SGK2: variants seen among roughly 807,000 people sequenced by gnomAD.
SGK2 encodes the protein serine/threonine-protein kinase Sgk2.
A neutral mutation model predicts 47.5 loss-of-function variants in SGK2; 36 were observed. The ratio of observed to expected loss-of-function variants is 0.76; its 90% CI spans 0.58 to 1.00. The LOEUF is 1.00. SGK2 is among the 50% of genes least tolerant of loss of function. SGK2 has a pLI of 0.00. For synonymous variants in SGK2, 157 were observed against 181.9 expected, an observed-to-expected ratio of 0.86 and a Z score of 1.10; for missense variants, 404 against 467.4, an observed-to-expected ratio of 0.86 and a Z score of 1.25.
At chr20:43,571,177 A>ATAGGTAGAGGAGGCAT in intron 8 of SGK2, 117 bp downstream of exon 8, 1 of 1,509,932 alleles carries the variant, frequency 6.6e-7, no homozygotes, top group South Asian at 1.2e-5. Flanking sequence ...ATGTATGCAT[A>ATAGGTAGAGGAGGCAT]TAGGTAGAGG....
intron 1 of SGK2, chr20:43,566,028 T>C: frequency 3.2e-6 from 1 of 310,656 alleles, no homozygotes; most frequent in African/African-American, 2.1e-5. Context: ...CAGCCTGTGC[T>C]TCACAAGGCT....
intron 1 of SGK2, chr20:43,565,162 C>T (rs576724378): frequency 6.6e-6 from 1 of 152,400 alleles, no homozygotes; most frequent in East Asian, 1.9e-4. Flanking sequence ...TGTGCTGGGG[C>T]CAGGCCGGCA....
rs762686366 is a variant in SGK2, at chr20:43,567,713, C to A, written c.135C>A (p.Asn45Lys). 6.2e-7 allele frequency: 1 copy of A among 1,614,132 alleles called. No homozygotes were observed. The highest frequency in any genetic ancestry group is 2.2e-5 in the East Asian group (1 of 44,876). The change falls in exon 4 of 13, where the codon AAC becomes AAA. Residue 45 changes from asparagine (N) to lysine (K), a missense_variant. Coordinates refer to ENST00000373100, the MANE Select transcript of SGK2 (RefSeq NM_170693.3). ...FDFLKVIGKG[N>K]YGKVLLAKRK... Reference sequence around the variant, plus strand: ...TCCTCAAAGTCATCGGCAAAGGGAACTACGGGAAGGTGAGTGACTTGGTGA... The same window carrying A: ...TCCTCAAAGTCATCGGCAAAGGGAAATACGGGAAGGTGAGTGACTTGGTGA...
chr20:43,580,857 T>TG (rs1980751211), intron 12 of SGK2, among the ~76,000 whole-genome samples: 1 of 151,332 alleles, frequency 6.6e-6, no homozygotes, highest in South Asian at 2.1e-4. Context: ...CTTTTCTATG[T>TG]GTTTTTTTTT....
intron 1 of SGK2, 62 bp from the exon 2 acceptor site, chr20:43,566,411 G>A (rs769402672): frequency 6.2e-7 from 1 of 1,614,188 alleles, no homozygotes; most frequent in African/African-American, 1.3e-5. Flanking sequence ...TGAAGCCCTG[G>A]ATGGGCGGAG....
chr20:43,579,132 C>A (rs1227062571), intron 11 of SGK2, among the ~76,000 whole-genome samples: 2 of 152,044 alleles, frequency 1.3e-5, no homozygotes, highest in East Asian at 3.9e-4. Flanking sequence ...ATTCTCCTGC[C>A]TCAGCCTCCC....
intron 8 of SGK2, among the ~76,000 whole-genome samples, chr20:43,571,375 A>G (rs992227521): frequency 2.0e-5 from 3 of 152,168 alleles, no homozygotes; most frequent in African/African-American, 7.2e-5. Flanking sequence ...AGGAGGCAGA[A>G]GCTTTATTGG....
In SGK2 at chr20:43,572,004, C is replaced by A. The variant is rs187186907; in HGVS notation, c.511-47C>A. On this transcript the variant is annotated intron_variant, in intron 8 of 12. Transcript: ENST00000373100. This position sits in a 1 kb window ranked among gnomAD's most constrained non-coding sequence, Gnocchi z 4.2. ...GCTTTGGGGGTTAGGCCTGGCCATA[C>A]CCTTGGCTCATACCACCCTCCAGCC... 218 of 1,412,230 alleles carry A rather than the reference C, an allele frequency of 1.5e-4. 1 individual carries two copies. In the East Asian group the frequency reaches 5.1e-3, roughly 33 times the overall value. The allele number at this position is 1,412,230 out of a possible 1,614,324, so 87.5% of individuals were successfully genotyped here.
rs928301515 is a variant in SGK2 at position 43,575,415 on chromosome 20, G to A, written c.693+411G>A. Among the ~76,000 whole-genome samples the A allele has an allele frequency of 1.1e-4, 16 of 146,796 alleles. No homozygotes were observed. The East Asian group carries it at 2.0e-3, about 18-fold the overall frequency. On this transcript the variant is annotated intron_variant, in intron 10 of 12. Transcript: ENST00000373100. ...GGAGGCAGGGGCTGCAGTGAACCGC[G>A]GTCGCACCACCGCATATCCAGTCTG...
chr20:43,584,864 G>T lies in SGK2; in HGVS notation c.952G>T (p.Asp318Tyr). The T allele has an allele frequency of 6.2e-7, 1 of 1,613,902 alleles. No homozygotes were observed. The highest frequency in any genetic ancestry group is 1.1e-5 in the South Asian group (1 of 91,052). The change falls in exon 13 of 13, where the codon GAC (aspartate) becomes TAC (tyrosine). Residue 318 changes from aspartate (D) to tyrosine (Y), a missense_variant. Coordinates refer to ENST00000373100, the MANE Select transcript of SGK2 (RefSeq NM_170693.3). ...CTTTTATTGACAGACAGGACCTGCT[G>T]ACTTGAAGCATTTTGACCCAGAGTT... is the stretch of plus-strand genomic sequence containing the variant. ...PFNPNVTGPA[D>Y]LKHFDPEFTQ...
chr20:43,583,220 G>C (rs930008695), intron 12 of SGK2: 3 of 1,289,722 alleles, frequency 2.3e-6, no homozygotes, highest in Non-Finnish European at 2.0e-6. Flanking sequence ...GCTTCTTTTC[G>C]TTGGGATTTT....
At chr20:43,561,385 GA>G (rs1568655572) in intron 1 of SGK2, among the ~76,000 whole-genome samples, 4 of 133,076 alleles carry the variant, frequency 3.0e-5, no homozygotes, top group South Asian at 2.3e-4. Flanking sequence ...AGAGGCTTTG[GA>G]TTTTTTTTTT....
intron 11 of SGK2, among the ~76,000 whole-genome samples, chr20:43,576,634 C>T (rs1226886475): frequency 1.3e-5 from 2 of 152,240 alleles, no homozygotes; most frequent in Non-Finnish European, 2.9e-5. Flanking sequence ...GGCTGGGTCT[C>T]TGCCCTTATT....
chr20:43,569,483 C>G lies in SGK2; in HGVS notation c.327C>G (p.Leu109=), dbSNP rs1476557099. 6.2e-7 allele frequency: 1 copy of G among 1,613,728 alleles called. No homozygotes were observed. Among genetic ancestry groups the G allele is most frequent in the Non-Finnish European group, 8.5e-7 (1 of 1,180,008 alleles). ...ACTCCTTCCAGACACCTGAGAAGCT[C>G]TACTTCGTGCTCGACTATGTCAACG... is the stretch of plus-strand genomic sequence containing the variant. ...LRYSFQTPEK[L]YFVLDYVNGG... is the part of the protein sequence containing the mutation. Residue 109 remains leucine, a synonymous_variant, in exon 6 of 13, where the codon CTC becomes CTG. Coordinates refer to ENST00000373100, the MANE Select transcript of SGK2 (RefSeq NM_170693.3).
chr20:43,559,203 T>A (rs976633729), intron 1 of SGK2, 44 bp downstream of exon 1: 1 of 152,272 alleles, frequency 6.6e-6, no homozygotes, highest in Non-Finnish European at 1.5e-5. Context: ...TGCTCGCCTA[T>A]TGGTCTCCAG....
At chr20:43,582,707 G>T (rs1980876084) in intron 12 of SGK2, among the ~76,000 whole-genome samples, 2 of 150,690 alleles carry the variant, frequency 1.3e-5, no homozygotes, top group Non-Finnish European at 2.9e-5. Flanking sequence ...ATATTTTTGA[G>T]ATAGAGTCTT....
At chr20:43,563,443 G>A (rs3135415) in intron 1 of SGK2, among the ~76,000 whole-genome samples, 76,769 of 152,068 alleles carry the variant, frequency 0.5, 21,677 homozygotes, top group South Asian at 0.66. Flanking sequence ...CTCATCACTG[G>A]CTTTGGCACA....
intron 9 of SGK2, among the ~76,000 whole-genome samples, chr20:43,573,885 C>T (rs780675043): frequency 3.9e-5 from 6 of 152,136 alleles, no homozygotes; most frequent in Non-Finnish European, 8.8e-5. Context: ...GGATATGGAA[C>T]CCCAGCTCAT....
At position 43,569,444 on chromosome 20, in the gene SGK2, C is replaced by T. The variant is rs138249556; in HGVS notation, c.288C>T (p.Leu96=). 1.6e-5 allele frequency: 26 copies of T among 1,613,818 alleles called. No individual in the cohort carries two copies. The highest frequency in any genetic ancestry group is 8.9e-5 in the East Asian group (4 of 44,886). Residue 96 remains leucine, a synonymous_variant, in exon 6 of 13, where the codon CTC becomes CTT. Coordinates refer to ENST00000373100, the MANE Select transcript of SGK2 (RefSeq NM_170693.3). ...VLLKNVRHPF[L]VGLRYSFQTP... ...TGAAGAACGTGCGGCACCCCTTCCTCGTGGGCCTGCGCTACTCCTTCCAGA... is the reference window on the plus strand; with the variant it reads ...TGAAGAACGTGCGGCACCCCTTCCTTGTGGGCCTGCGCTACTCCTTCCAGA...
Sources: gnomAD v4.1 joint callset for allele counts (sites outside exome capture counted in the v4.1 genomes callset) on GRCh38, gnomAD v4.1.1 for gene constraint, Gnocchi (gnomAD v3.1) non-coding constraint, MANE v1.5 for transcripts, NCBI Gene and HGNC (gene_info 2026-07-23, HGNC 2026-07-21) for gene names.